NPHP1: variants seen among roughly 807,000 people sequenced by gnomAD.
NPHP1 encodes the protein nephrocystin 1, also known as nephrocystin-1.
Under a neutral mutation model 90.4 loss-of-function variants are expected in NPHP1, and 70 were observed. That is an observed-to-expected ratio of 0.77 (90% CI 0.64 to 0.95). NPHP1 has a LOEUF of 0.95. NPHP1 is among the 40% of genes least tolerant of loss of function. The pLI, the probability that NPHP1 is intolerant of heterozygous loss-of-function variation, is 0.00. For synonymous variants in NPHP1, 256 were observed against 271.7 expected, an observed-to-expected ratio of 0.94 and a Z score of 0.57; for missense variants, 764 against 795.9, an observed-to-expected ratio of 0.96 and a Z score of 0.48.
chr2:110,125,209 T>G, intron 19 of NPHP1: 1 of 1,534,692 alleles, frequency 6.5e-7, no homozygotes, highest in Non-Finnish European at 8.7e-7. Flanking sequence ...AAGTTCGGAT[T>G]GGTAATTACC....
chr2:110,154,120 G>A (rs1168885174), intron 11 of NPHP1, among the ~76,000 whole-genome samples: 6 of 152,110 alleles, frequency 3.9e-5, no homozygotes, highest in Admixed American at 3.3e-4. Flanking sequence ...ATTGAATTAT[G>A]GGGATGGGTC....
intron 2 of NPHP1, among the ~76,000 whole-genome samples, chr2:110,192,658 G>A (rs904226117): frequency 8.6e-5 from 13 of 151,918 alleles, no homozygotes; most frequent in African/African-American, 2.2e-4. Flanking sequence ...TACAGAAAAC[G>A]CCACAAAGAT....
Position 110,147,972 on chromosome 2 carries a change from A to G in NPHP1, c.1213T>C (p.Ser405Pro). 6.2e-7 allele frequency: 1 copy of G among 1,611,794 alleles called. No individual in the cohort carries two copies. Among genetic ancestry groups the G allele is most frequent in the Non-Finnish European group, 8.5e-7 (1 of 1,177,834 alleles). The stretch of plus-strand genomic sequence containing the variant: ...AATATTCCAAGATCTGGAGATGCAG[A>G]ATTAGACCTGATAAAGCAATCACCA... ...LDGDCFIRSN[S>P]ASPDLGILFE... The change falls in exon 13 of 20, where the codon TCT becomes CCT. Residue 405 changes from serine to proline, a missense_variant. Transcript: ENST00000445609.
At position 110,123,527 on chromosome 2, in the gene NPHP1, C is replaced by T; in HGVS notation, c.*264G>A. 3.2e-5 allele frequency: 11 copies of T among 345,640 alleles called. No homozygotes were observed. Among genetic ancestry groups the T allele is most frequent in the South Asian group, 1.5e-4 (3 of 19,580 alleles). The allele number at this position is 345,640 out of a possible 1,614,324, so 21.4% of individuals were successfully genotyped here. On this transcript the variant is annotated 3_prime_UTR_variant, in exon 20 of 20. Transcript: ENST00000445609. Reference sequence around the variant, plus strand: ...ATCTTGCTTTTATAGAAATCTATACCATTAACTTAAGTAGCTGTTTTTGAA... The same window carrying T: ...ATCTTGCTTTTATAGAAATCTATACTATTAACTTAAGTAGCTGTTTTTGAA...
chr2:110,141,906 G>A (rs529814907), intron 16 of NPHP1, among the ~76,000 whole-genome samples: 1 of 150,238 alleles, frequency 6.7e-6, no homozygotes, highest in Admixed American at 6.7e-5. Flanking sequence ...CCGGGAGGCG[G>A]AGCTTGCAGT....
chr2:110,143,130 T>C (rs919571669), intron 16 of NPHP1, among the ~76,000 whole-genome samples: 4 of 152,210 alleles, frequency 2.6e-5, no homozygotes, highest in Admixed American at 2.0e-4. Flanking sequence ...GAAAGTTCTC[T>C]ATCTTGATTG....
chr2:110,134,263 C>G (rs1334324644), intron 16 of NPHP1, among the ~76,000 whole-genome samples: 1 of 151,898 alleles, frequency 6.6e-6, no homozygotes, highest in Admixed American at 6.6e-5. Context: ...AGGCACATTT[C>G]TAGAAATACA....
chr2:110,173,949 C>T (rs1453745643), intron 4 of NPHP1, among the ~76,000 whole-genome samples: 1 of 151,762 alleles, frequency 6.6e-6, no homozygotes, highest in Admixed American at 6.6e-5. Context: ...CTGAATCGAC[C>T]CTTTCTTTTA....
intron 2 of NPHP1, among the ~76,000 whole-genome samples, chr2:110,182,808 G>A (rs113489253): frequency 6.6e-6 from 1 of 152,130 alleles, no homozygotes; most frequent in African/African-American, 2.4e-5. Flanking sequence ...AACCTTAAAT[G>A]TAAGTGGGTT....
rs1353460131 is a variant in NPHP1, at chr2:110,196,347, T to C, written c.143+5074A>G. Among the ~76,000 whole-genome samples the C allele has an allele frequency of 4.6e-5, 7 of 152,198 alleles. No individual in the cohort carries two copies. In the East Asian group the frequency reaches 1.4e-3, roughly 29 times the overall value. ...ACGCCATCAAAAAGTGGGCAAAGGA[T>C]ATGAACAGACACTTCTCAAAAGAAG... On this transcript the variant is annotated intron_variant, in intron 2 of 19. Coordinates refer to ENST00000445609, the MANE Select transcript of NPHP1 (RefSeq NM_001128178.3).
intron 18 of NPHP1, 132 bp from the exon 19 acceptor site, chr2:110,125,813 G>T (rs1016157655): frequency 1.8e-5 from 14 of 771,226 alleles, no homozygotes; most frequent in African/African-American, 3.4e-5. Context: ...CAAGCAAGAA[G>T]TGAATCTGTA....
At chr2:110,195,417 G>C (rs562098135) in intron 2 of NPHP1, among the ~76,000 whole-genome samples, 1 of 152,166 alleles carries the variant, frequency 6.6e-6, no homozygotes, top group African/African-American at 2.4e-5. Context: ...GCTACAAAGA[G>C]AATAAAATAC....
At chr2:110,164,943 G>A in intron 7 of NPHP1, 109 bp downstream of exon 7, 1 of 952,226 alleles carries the variant, frequency 1.1e-6, no homozygotes, top group South Asian at 1.4e-5. Flanking sequence ...AAGCTCTCCA[G>A]GTACAAGTTG....
intron 4 of NPHP1, among the ~76,000 whole-genome samples, chr2:110,174,887 A>G (rs2104598173): frequency 6.6e-6 from 1 of 150,912 alleles, no homozygotes; most frequent in South Asian, 2.1e-4. Context: ...GCCATGTGGT[A>G]TTCCTAAGCA....
At chr2:110,130,489 C>A (rs951711345) in intron 17 of NPHP1, among the ~76,000 whole-genome samples, 2 of 152,132 alleles carry the variant, frequency 1.3e-5, no homozygotes, top group Non-Finnish European at 2.9e-5. Flanking sequence ...AAAGGCTTAC[C>A]CGTCCTCCCC....
chr2:110,159,328 C>T (rs551099909), intron 11 of NPHP1, among the ~76,000 whole-genome samples: 3 of 151,966 alleles, frequency 2.0e-5, no homozygotes, highest in Admixed American at 6.5e-5. Flanking sequence ...TTCATCTGTT[C>T]CTTGGAAGAA....
Position 110,164,714 on chromosome 2 carries a change from T to A in NPHP1, c.745A>T (p.Ser249Cys). 1 of 1,613,940 alleles carries A rather than the reference T, an allele frequency of 6.2e-7. No homozygotes were observed. The highest frequency in any genetic ancestry group is 1.1e-5 in the South Asian group (1 of 91,062). The part of the protein sequence containing the change: ...EVKQRTDPHW[S>C]AVQKAISEQI... ...TCTGAAATCGCTTTCTGAACAGCAC[T>A]CCAGTGGGGATCAGTTCTGGGGAGA... The change falls in exon 8 of 20, where the codon AGT becomes TGT. Residue 249 changes from serine to cysteine, a missense_variant. Ser to Cys is a moderately radical substitution (Grantham distance 112, BLOSUM62 -1). Transcript: ENST00000445609.
chr2:110,164,902 G>C (rs1029167139), intron 7 of NPHP1, 150 bp downstream of exon 7: 2 of 863,464 alleles, frequency 2.3e-6, no homozygotes, highest in African/African-American at 3.4e-5. Flanking sequence ...AACTAAAACA[G>C]TAATGATCTT....
Position 110,155,378 on chromosome 2 carries a change from G to A in NPHP1, c.1083+4749C>T, listed in dbSNP as rs530805471. On this transcript the variant is annotated intron_variant, in intron 11 of 19. Transcript: ENST00000445609. Reference sequence around the variant, plus strand: ...TGGGGTTGGAGCCCCCTCACACAGAGTCCCTCCTGGGGCACCACCTAGTGG... The same window carrying A: ...TGGGGTTGGAGCCCCCTCACACAGAATCCCTCCTGGGGCACCACCTAGTGG... 4.9e-4 allele frequency among the ~76,000 whole-genome samples: 74 copies of A among 152,290 alleles called. 1 individual carries two copies. Among genetic ancestry groups the A allele is most frequent in the African/African-American group, 1.7e-3 (72 of 41,572 alleles).
Sources: gnomAD v4.1 joint callset for allele counts (sites outside exome capture counted in the v4.1 genomes callset) on GRCh38, gnomAD v4.1.1 for gene constraint, MANE v1.5 for transcripts, NCBI Gene and HGNC (gene_info 2026-07-23, HGNC 2026-07-21) for gene names.